The following CLCN6 variants were observed in gnomAD, a reference collection of about 807,000 sequenced individuals.
CLCN6 encodes H(+)/Cl(-) exchange transporter 6.
In CLCN6, 70 loss-of-function variants were observed where a neutral mutation model predicts 109.8. The observed-to-expected ratio is 0.64, with a 90% CI of 0.53 to 0.78. The LOEUF is 0.78. Among genes scored for constraint, CLCN6 ranks in the 30% least tolerant of loss-of-function variants. The probability of loss-of-function intolerance (pLI) is 0.00; values close to 1 mark genes in which losing one functional copy is unlikely to be tolerated. For synonymous variants in CLCN6, 444 were observed against 447.8 expected, an observed-to-expected ratio of 0.99 and a Z score of 0.11; for missense variants, 984 against 1,142.3, an observed-to-expected ratio of 0.86 and a Z score of 2.00.
chr1:11,808,548 A>G (rs953568121), intron 2 of CLCN6, among the ~76,000 whole-genome samples: 9 of 152,202 alleles, frequency 5.9e-5, no homozygotes, highest in African/African-American at 2.2e-4. Flanking sequence ...TCAAATATCT[A>G]CTGTCCAGAT....
chr1:11,828,083 G>A, intron 10 of CLCN6, 23 bp from the exon 11 acceptor site: 2 of 1,574,320 alleles, frequency 1.3e-6, no homozygotes, highest in Non-Finnish European at 1.7e-6. Flanking sequence ...GAACCTTCTT[G>A]TCTTTTGTCA....
Position 11,822,788 on chromosome 1 carries a change from T to G in CLCN6, c.440T>G (p.Leu147Arg), listed in dbSNP as rs773734978. The stretch of plus-strand genomic sequence containing the variant: ...ACCTTTGTCTTCCTGGCAAGCCTCC[T>G]TGTTCTCATTGAGGTGAGGTGGTTT... ...NLTFVFLASL[L>R]VLIEPVAAGS... The change falls in exon 6 of 23, where the codon CTT becomes CGT. Residue 147 changes from leucine (L) to arginine (R), a missense_variant. Leu to Arg is a moderately radical substitution (Grantham distance 102). Coordinates refer to ENST00000346436, the MANE Select transcript of CLCN6 (RefSeq NM_001286.5). 6.2e-7 allele frequency: 1 copy of G among 1,612,194 alleles called. No individual in the cohort carries two copies. The highest frequency in any genetic ancestry group is 8.5e-7 in the Non-Finnish European group (1 of 1,178,230).
chr1:11,828,236 C>A lies in CLCN6; in HGVS notation c.954+17C>A. On this transcript the variant is annotated intron_variant, in intron 11 of 22. Coordinates refer to ENST00000346436, the MANE Select transcript of CLCN6 (RefSeq NM_001286.5). ...GAGTTTAAGGTATGTTTTGTCCTTTCCCCAAGGATTTTTAATTTGACCCAT... is the reference window on the plus strand; with the variant it reads ...GAGTTTAAGGTATGTTTTGTCCTTTACCCAAGGATTTTTAATTTGACCCAT... 1.9e-6 allele frequency: 3 copies of A among 1,598,178 alleles called. No individual in the cohort carries two copies. Among genetic ancestry groups the A allele is most frequent in the East Asian group, 2.2e-5 (1 of 44,770 alleles).
Position 11,834,005 on chromosome 1 carries a change from C to T in CLCN6, c.1501C>T (p.Arg501Cys), listed in dbSNP as rs147341529. 7.7e-5 allele frequency: 124 copies of T among 1,614,072 alleles called. 1 individual carries two copies. The African/African-American group carries it at 1.5e-3, about 19-fold the overall frequency. The part of the protein sequence containing the change: ...PSLLCGAAFG[R>C]LVANVLKSYI... ...TCTGCTGTGTGGAGCTGCTTTTGGA[C>T]GTTTAGTTGCCAATGTCCTAAAAAG... The change falls in exon 15 of 23, where the codon CGT (arginine) becomes TGT (cysteine). Residue 501 changes from arginine (R) to cysteine (C), a missense_variant. Arg to Cys is a radical substitution (Grantham distance 180). Transcript: ENST00000346436. This position sits in a 1 kb window ranked among gnomAD's most constrained non-coding sequence, Gnocchi z 4.5.
chr1:11,808,270 T>TGTGTGTGTGTG (rs746102817), intron 2 of CLCN6, among the ~76,000 whole-genome samples: 1 of 140,996 alleles, frequency 7.1e-6, no homozygotes, highest in Non-Finnish European at 1.6e-5. Flanking sequence ...TGTGTGTGTG[T>TGTGTGTGTGTG]TTTAAAGTAA....
At chr1:11,820,014 A>G (rs1644721351) in intron 5 of CLCN6, among the ~76,000 whole-genome samples, 1 of 152,256 alleles carries the variant, frequency 6.6e-6, no homozygotes, top group African/African-American at 2.4e-5. Flanking sequence ...AGATACAGTC[A>G]TTGAAATTGG....
chr1:11,831,823 A>G (rs1427153571), intron 13 of CLCN6, among the ~76,000 whole-genome samples: 1 of 152,140 alleles, frequency 6.6e-6, no homozygotes, highest in Non-Finnish European at 1.5e-5. Flanking sequence ...AGCTGGGACT[A>G]CAGGTGCATG....
chr1:11,825,616 C>A (rs898626710), intron 8 of CLCN6, among the ~76,000 whole-genome samples: 3 of 152,084 alleles, frequency 2.0e-5, no homozygotes, highest in African/African-American at 7.2e-5. Context: ...TCCTTTTTTC[C>A]CAAGTTTTTT....
chr1:11,807,969 C>T (rs967022952), intron 2 of CLCN6, among the ~76,000 whole-genome samples: 1 of 151,820 alleles, frequency 6.6e-6, no homozygotes, highest in African/African-American at 2.4e-5. Flanking sequence ...TTTTTTTTGA[C>T]AGAGTCTCAC....
Position 11,822,867 on chromosome 1 carries a change from C to T in CLCN6, c.453+66C>T. Reference sequence around the variant, plus strand: ...AGAGTCCCGCACTCCTTTTCCCCACCTCCTTCCAGAATGTCAGGAAACTGA... The same window carrying T: ...AGAGTCCCGCACTCCTTTTCCCCACTTCCTTCCAGAATGTCAGGAAACTGA... On this transcript the variant is annotated intron_variant, in intron 6 of 22. Coordinates refer to ENST00000346436, the MANE Select transcript of CLCN6 (RefSeq NM_001286.5). 5.0e-6 allele frequency: 5 copies of T among 990,278 alleles called. No individual in the cohort carries two copies. In the South Asian group the frequency reaches 6.5e-5, roughly 13 times the overall value. 61.3% of individuals were successfully genotyped at this position (990,278 alleles called of 1,614,324 possible). A position where few individuals can be genotyped will look rare whatever the true frequency, so the allele number is the denominator to read the frequency against.
Position 11,822,720 on chromosome 1 carries a change from C to T in CLCN6, c.372C>T (p.Gly124=), listed in dbSNP as rs777866078. ...QTSVEECSQK[G]CLALSLLELL... ...CGGTGGAGGAGTGCAGCCAGAAAGG[C>T]TGCCTCGCTCTGTCTCTCCTTGAAC... The change falls in exon 6 of 23, where the codon GGC becomes GGT. Residue 124 remains glycine (G), a synonymous_variant. Transcript: ENST00000346436. 5.6e-6 allele frequency: 9 copies of T among 1,613,858 alleles called. No individual in the cohort carries two copies. Among genetic ancestry groups the T allele is most frequent in the South Asian group, 2.2e-5 (2 of 91,070 alleles).
rs764257817 is a variant in CLCN6 at position 11,836,003 on chromosome 1, C to T, written c.1830C>T (p.Thr610=). The T allele has an allele frequency of 1.9e-6, 3 of 1,613,828 alleles. No homozygotes were observed. The highest frequency in any genetic ancestry group is 3.3e-5 in the Admixed American group (2 of 59,980). The change falls in exon 18 of 23, where the codon ACC becomes ACT. Residue 610 remains threonine (T), a synonymous_variant. Transcript: ENST00000346436. The part of the protein sequence containing the change: ...RASDIMEPNL[T]YVYPHTRIQS... The stretch of plus-strand genomic sequence containing the variant: ...GCGACATCATGGAGCCCAACCTGAC[C>T]TACGTCTACCCGCACACCCGCATCC...
intron 9 of CLCN6, among the ~76,000 whole-genome samples, chr1:11,826,655 G>A (rs1008171494): frequency 6.6e-6 from 1 of 152,182 alleles, no homozygotes; most frequent in Non-Finnish European, 1.5e-5. Context: ...TCAGTTTAGA[G>A]TCACGGACCA....
chr1:11,821,740 C>T (rs879591370), intron 5 of CLCN6, among the ~76,000 whole-genome samples: 17 of 152,018 alleles, frequency 1.1e-4, no homozygotes, highest in African/African-American at 2.9e-4. Context: ...AAATTTGAAC[C>T]GTAGACATGT....
Position 11,840,378 on chromosome 1 carries a change from G to T in CLCN6, c.*155G>T. ...GTCATCGGACACCTTGCTGGTCAGA[G>T]GTCCTGGGGGTGGTTTTGAACCATC... On this transcript the variant is annotated 3_prime_UTR_variant, in exon 23 of 23. Transcript: ENST00000346436. The T allele has an allele frequency of 1.4e-6, 1 of 691,324 alleles. No individual in the cohort carries two copies. The highest frequency in any genetic ancestry group is 2.7e-5 in the East Asian group (1 of 37,202). The allele number at this position is 691,324 out of a possible 1,614,324, so 42.8% of individuals were successfully genotyped here.
chr1:11,822,333 ACTGCAGC>A (rs1644756274), intron 5 of CLCN6, among the ~76,000 whole-genome samples: 1 of 152,150 alleles, frequency 6.6e-6, no homozygotes, highest in Admixed American at 6.5e-5. Flanking sequence ...ATGACAGCTC[ACTGCAGC>A]CTCAGCCTCC....
At chr1:11,837,613 A>C (rs1644967137) in intron 20 of CLCN6, 114 bp downstream of exon 20, 1 of 1,080,678 alleles carries the variant, frequency 9.3e-7, no homozygotes, top group Non-Finnish European at 1.3e-6. Context: ...GCAAGGCGAG[A>C]AGTGCAGAGT....
intron 4 of CLCN6, among the ~76,000 whole-genome samples, chr1:11,818,104 TAAAA>T (rs202071545): frequency 6.7e-6 from 1 of 149,488 alleles, no homozygotes; most frequent in African/African-American, 2.5e-5. Flanking sequence ...TCCTTAAAAA[TAAAA>T]AAAAAATTAA....
intron 3 of CLCN6, 51 bp from the exon 4 acceptor site, chr1:11,816,564 C>T (rs1402002961): frequency 1.3e-6 from 2 of 1,544,884 alleles, no homozygotes; most frequent in African/African-American, 2.7e-5. Context: ...ATTTCTTCCC[C>T]TCTGCCACCA....
Sources: gnomAD v4.1 joint callset for allele counts (sites outside exome capture counted in the v4.1 genomes callset) on GRCh38, gnomAD v4.1.1 for gene constraint, Gnocchi (gnomAD v3.1) non-coding constraint, MANE v1.5 for transcripts, NCBI Gene and HGNC (gene_info 2026-07-23, HGNC 2026-07-21) for gene names.